Variants in TRIM13 observed in about 807,000 individuals in gnomAD.
TRIM13 encodes tripartite motif containing 13, also known as E3 ubiquitin-protein ligase TRIM13.
A neutral mutation model predicts 27.1 loss-of-function variants in TRIM13; 15 were observed. The ratio of observed to expected loss-of-function variants is 0.55; its 90% CI spans 0.37 to 0.85. TRIM13 has a LOEUF of 0.85. Ranked by LOEUF, TRIM13 falls within the 40% of genes least tolerant of loss-of-function variation. TRIM13 has a pLI of 0.00. For missense variants in TRIM13, 402 were observed against 472.2 expected (o/e 0.85, Z 1.38); for synonymous variants, 193 against 171.5 (o/e 1.13, Z -0.98).
At chr13:50,011,201 T>G (rs1875592820) in intron 1 of TRIM13, among the ~76,000 whole-genome samples, 1 of 152,172 alleles carries the variant, frequency 6.6e-6, no homozygotes, top group Non-Finnish European at 1.5e-5. Flanking sequence ...AAGTAACATC[T>G]TAGTGTCATT....
chr13:50,015,716 G>T lies in TRIM13; in HGVS notation c.*2552G>T. ...AACTCACCAGCTTTTATTACCCACTGAATTTTCAGACTATCTTAGGCTTCA... is the reference window on the plus strand; with the variant it reads ...AACTCACCAGCTTTTATTACCCACTTAATTTTCAGACTATCTTAGGCTTCA... On this transcript the variant is annotated 3_prime_UTR_variant, in exon 2 of 2. Transcript: ENST00000378182. The T allele has an allele frequency of 6.2e-7, 1 of 1,614,022 alleles. No homozygotes were observed. Among genetic ancestry groups the T allele is most frequent in the Non-Finnish European group, 8.5e-7 (1 of 1,179,930 alleles).
At chr13:50,009,755 A>AC (rs1875331240) in intron 1 of TRIM13, among the ~76,000 whole-genome samples, 4 of 146,516 alleles carry the variant, frequency 2.7e-5, no homozygotes, top group Non-Finnish European at 4.5e-5. Context: ...AAAAAAAAAA[A>AC]AAACAACAAC....
intron 1 of TRIM13, among the ~76,000 whole-genome samples, chr13:49,998,343 C>T (rs1307375385): frequency 6.6e-6 from 1 of 152,152 alleles, no homozygotes; most frequent in African/African-American, 2.4e-5. Flanking sequence ...GATAGGTTAT[C>T]TGGCCTTAAT....
At chr13:50,002,562 A>G (rs1168997262) in intron 1 of TRIM13, among the ~76,000 whole-genome samples, 1 of 152,214 alleles carries the variant, frequency 6.6e-6, no homozygotes, top group East Asian at 1.9e-4. Context: ...AGAAAACTCA[A>G]GAAGAATATT....
rs1018915595 is a variant in TRIM13 at position 49,997,132 on chromosome 13, G to GTCGGAGA, written c.-636_-630dup. On this transcript the variant is annotated 5_prime_UTR_variant, in exon 1 of 2. Coordinates refer to ENST00000378182, the MANE Select transcript of TRIM13 (RefSeq NM_213590.3). ...GCGCGGCCTTTCCCACTAGCCGGAGGTCGGAGATAAGTACCCGCCGCCCGG... is the reference window on the plus strand; with the variant it reads ...GCGCGGCCTTTCCCACTAGCCGGAGGTCGGAGATCGGAGATAAGTACCCGCCGCCCGG... 1.3e-5 allele frequency: 2 copies of GTCGGAGA among 152,150 alleles called. No homozygotes were observed. The highest frequency in any genetic ancestry group is 4.8e-5 in the African/African-American group (2 of 41,390). 9.4% of individuals were successfully genotyped at this position (152,150 alleles called of 1,614,324 possible).
chr13:50,010,955 C>G (rs79364907), intron 1 of TRIM13, among the ~76,000 whole-genome samples: 1 of 152,034 alleles, frequency 6.6e-6, no homozygotes, highest in Non-Finnish European at 1.5e-5. Flanking sequence ...TATTTTGTCA[C>G]GCAATATATT....
At position 49,997,076 on chromosome 13, in the gene TRIM13, T is replaced by G. The variant is rs1197932206; in HGVS notation, c.-694T>G. 6.7e-6 allele frequency: 1 copy of G among 149,542 alleles called. No homozygotes were observed. Among genetic ancestry groups the G allele is most frequent in the Non-Finnish European group, 1.5e-5 (1 of 67,660 alleles). The allele number at this position is 149,542 out of a possible 1,614,324, so 9.3% of individuals were successfully genotyped here. ...TTGGGGCTGTGCTTGGCGCGTACCG[T>G]GCGGTCCCTGTAGTTGGAGGACGGG... On this transcript the variant is annotated 5_prime_UTR_variant, in exon 1 of 2. Transcript: ENST00000378182.
At chr13:50,006,689 G>A (rs1354350406) in intron 1 of TRIM13, among the ~76,000 whole-genome samples, 2 of 152,114 alleles carry the variant, frequency 1.3e-5, no homozygotes, top group East Asian at 3.8e-4. Context: ...GACAAACTAA[G>A]TTGAGTCTTT....
Position 50,016,959 on chromosome 13 carries a change from T to C in TRIM13, c.*3795T>C, listed in dbSNP as rs994175168. ...GAAGGATACCAGTGTCTCTCTCTCTTAGCGACACACTCCTTGGTCTTGCTT... is the reference window on the plus strand; with the variant it reads ...GAAGGATACCAGTGTCTCTCTCTCTCAGCGACACACTCCTTGGTCTTGCTT... On this transcript the variant is annotated 3_prime_UTR_variant, in exon 2 of 2. Transcript: ENST00000378182. 1.1e-4 allele frequency: 18 copies of C among 166,848 alleles called. No individual in the cohort carries two copies. The highest frequency in any genetic ancestry group is 3.9e-4 in the African/African-American group (16 of 41,380). The allele number at this position is 166,848 out of a possible 1,614,324, so 10.3% of individuals were successfully genotyped here. A position where few individuals can be genotyped will look rare whatever the true frequency, so the allele number is the denominator to read the frequency against.
In TRIM13 at chr13:50,018,214, A is replaced by G. The variant is rs1020045121; in HGVS notation, c.*5050A>G. Reference sequence around the variant, plus strand: ...GTGTGCTTGAAATATTTTATTTTTCAGTTTGTCCTCATAGGGAATCAAGTA... The same window carrying G: ...GTGTGCTTGAAATATTTTATTTTTCGGTTTGTCCTCATAGGGAATCAAGTA... On this transcript the variant is annotated 3_prime_UTR_variant, in exon 2 of 2. Transcript: ENST00000378182. 4.2e-5 allele frequency: 7 copies of G among 166,828 alleles called. No individual in the cohort carries two copies. The highest frequency in any genetic ancestry group is 1.7e-4 in the African/African-American group (7 of 41,368). The allele number at this position is 166,828 out of a possible 1,614,324, so 10.3% of individuals were successfully genotyped here.
At chr13:50,002,546 A>C (rs1007414927) in intron 1 of TRIM13, among the ~76,000 whole-genome samples, 7 of 152,188 alleles carry the variant, frequency 4.6e-5, no homozygotes, top group Admixed American at 2.6e-4. Flanking sequence ...GAAAATGTTC[A>C]AACAGAGAAA....
chr13:50,011,678 T>C (rs1875661345), intron 1 of TRIM13, among the ~76,000 whole-genome samples: 1 of 152,210 alleles, frequency 6.6e-6, no homozygotes. Flanking sequence ...GAGTCTTGTC[T>C]TAGCCAAAGA....
In TRIM13 at chr13:50,012,288, C is replaced by A; in HGVS notation, c.348C>A (p.Ile116=). 1 of 1,614,128 alleles carries A rather than the reference C, an allele frequency of 6.2e-7. No homozygotes were observed. The highest frequency in any genetic ancestry group is 8.5e-7 in the Non-Finnish European group (1 of 1,180,000). ...CTGATATGCAGCTGATTTGTGGGAT[C>A]TGTGCTACTCGTGGGGAGCACACCA... is the stretch of plus-strand genomic sequence containing the variant. ...CLTDMQLICG[I]CATRGEHTKH... is the part of the protein sequence containing the mutation. Residue 116 remains isoleucine (I), a synonymous_variant, in exon 2 of 2, where the codon ATC becomes ATA. Transcript: ENST00000378182.
At chr13:50,002,949 A>G (rs1047710001) in intron 1 of TRIM13, among the ~76,000 whole-genome samples, 8 of 152,018 alleles carry the variant, frequency 5.3e-5, no homozygotes, top group African/African-American at 1.9e-4. Flanking sequence ...GCATGAGCCA[A>G]TGCACCTGGC....
At chr13:49,999,785 T>TAA (rs1873801005) in intron 1 of TRIM13, among the ~76,000 whole-genome samples, 1 of 152,200 alleles carries the variant, frequency 6.6e-6, no homozygotes, top group Non-Finnish European at 1.5e-5. Flanking sequence ...ACCTAGTTTG[T>TAA]AAAAACTGCA....
rs1876377883 is a variant in TRIM13, at chr13:50,015,165, T to A, written c.*2001T>A. 3 of 147,634 alleles carry A rather than the reference T, an allele frequency of 2.0e-5. No homozygotes were observed. The highest frequency in any genetic ancestry group is 2.4e-4 in the East Asian group (1 of 4,132). 9.1% of individuals were successfully genotyped at this position (147,634 alleles called of 1,614,324 possible). A position where few individuals can be genotyped will look rare whatever the true frequency, so the allele number is the denominator to read the frequency against. ...TATATATATATAGTTTTACTAGGTT[T>A]TCATGGATAAGTTTTTAAATGTAAG... On this transcript the variant is annotated 3_prime_UTR_variant, in exon 2 of 2. Coordinates refer to ENST00000378182, the MANE Select transcript of TRIM13 (RefSeq NM_213590.3).
rs1555325057 is a variant in TRIM13, at chr13:50,014,344, A to AAAAAAAAAAAAAATATAT, written c.*1181_*1182insAAAAAAAAAAAATATATA. ...AAAAAAAAAAAAAAAAAAAAAAAAAAATATATATATATATATACACACACA... is the reference window on the plus strand; with the variant it reads ...AAAAAAAAAAAAAAAAAAAAAAAAAAAAAAAAAAAAAAATATATATATATATATATATATACACACACA... On this transcript the variant is annotated 3_prime_UTR_variant, in exon 2 of 2. Transcript: ENST00000378182. 1.5e-4 allele frequency: 3 copies of AAAAAAAAAAAAAATATAT among 19,718 alleles called. No homozygotes were observed. Among genetic ancestry groups the AAAAAAAAAAAAAATATAT allele is most frequent in the Non-Finnish European group, 2.5e-4 (3 of 12,100 alleles). The allele number at this position is 19,718 out of a possible 1,614,324, so 1.2% of individuals were successfully genotyped here.
intron 1 of TRIM13, among the ~76,000 whole-genome samples, chr13:50,008,363 G>A (rs911540454): frequency 1.3e-5 from 2 of 152,134 alleles, no homozygotes; most frequent in African/African-American, 4.8e-5. Context: ...AGAGATGAAT[G>A]TATATTTAAA....
rs1218887578 is a variant in TRIM13 at position 50,015,118 on chromosome 13, T to A, written c.*1954T>A. 4 of 21,664 alleles carry A rather than the reference T, an allele frequency of 1.8e-4. No homozygotes were observed. The highest frequency in any genetic ancestry group is 3.8e-4 in the African/African-American group (3 of 7,918). 1.3% of individuals were successfully genotyped at this position (21,664 alleles called of 1,614,324 possible). On this transcript the variant is annotated 3_prime_UTR_variant, in exon 2 of 2. Transcript: ENST00000378182. The stretch of plus-strand genomic sequence containing the variant: ...AAATATATATATATATATATATATA[T>A]ATATATATATATATATATATATATA...
Sources: allele counts gnomAD v4.1 joint callset (sites outside exome capture counted in the v4.1 genomes callset), GRCh38; gene constraint gnomAD v4.1.1; transcripts MANE v1.5; gene names NCBI Gene and HGNC (gene_info 2026-07-23, HGNC 2026-07-21).